The following NCKAP5 variants were observed in gnomAD, a reference collection of about 807,000 sequenced individuals.
The protein encoded by NCKAP5 is nck-associated protein 5.
In NCKAP5, 92 loss-of-function variants were observed where a neutral mutation model predicts 167.0. The ratio of observed to expected loss-of-function variants is 0.55; its 90% CI spans 0.47 to 0.66. NCKAP5 has a LOEUF of 0.66. Ranked by LOEUF, NCKAP5 falls within the 30% of genes least tolerant of loss-of-function variation. The pLI is 0.00. For missense variants in NCKAP5, 2,378 were observed against 2,315.0 expected (o/e 1.03, Z -0.56); for synonymous variants, 891 against 877.4 (o/e 1.02, Z -0.27).
At chr2:133,345,433 T>A (rs1683905449) in intron 3 of NCKAP5, among the ~76,000 whole-genome samples, 1 of 152,204 alleles carries the variant, frequency 6.6e-6, no homozygotes, top group African/African-American at 2.4e-5. Flanking sequence ...TTCCCACCTG[T>A]CAACTTGACT....
chr2:133,470,319 G>T (rs992414413), intron 3 of NCKAP5, among the ~76,000 whole-genome samples: 3 of 152,116 alleles, frequency 2.0e-5, no homozygotes, highest in Non-Finnish European at 2.9e-5. Context: ...CAGTTAGGCT[G>T]CTCGGGGGTC....
the NCKAP5 span, among the ~76,000 whole-genome samples, chr2:133,647,752 A>AAGGAAG: frequency 2.3e-5 from 1 of 43,446 alleles, no homozygotes; most frequent in African/African-American, 7.6e-5. Context: ...AAGGAAGGAA[A>AAGGAAG]GAAAAGAAAA....
chr2:132,989,878 C>T (rs980684453), intron 7 of NCKAP5, among the ~76,000 whole-genome samples: 1 of 152,112 alleles, frequency 6.6e-6, no homozygotes, highest in African/African-American at 2.4e-5. Flanking sequence ...ACGAGCTTTG[C>T]CATAAAATGA....
chr2:132,741,690 C>T (rs1679207579), intron 16 of NCKAP5, among the ~76,000 whole-genome samples: 2 of 152,084 alleles, frequency 1.3e-5, no homozygotes, highest in South Asian at 4.1e-4. Context: ...CTTTAATTAG[C>T]AAAACCTTCT....
At chr2:133,305,104 G>A (rs1048690661) in intron 3 of NCKAP5, among the ~76,000 whole-genome samples, 6 of 152,134 alleles carry the variant, frequency 3.9e-5, no homozygotes, top group African/African-American at 1.2e-4. Context: ...CTGGGAACAG[G>A]GACTCAGGGA....
At chr2:133,503,640 C>T (rs543831995) in intron 3 of NCKAP5, among the ~76,000 whole-genome samples, 1 of 152,314 alleles carries the variant, frequency 6.6e-6, no homozygotes, top group Admixed American at 6.5e-5. Flanking sequence ...TCTGTAACAA[C>T]CACTACACCC....
intron 3 of NCKAP5, among the ~76,000 whole-genome samples, chr2:133,364,034 A>C (rs1685291352): frequency 6.6e-6 from 1 of 152,186 alleles, no homozygotes; most frequent in African/African-American, 2.4e-5. Context: ...TTAATCCCTC[A>C]ATTACCTCAT....
At chr2:133,161,492 A>G (rs1227865396) in intron 5 of NCKAP5, among the ~76,000 whole-genome samples, 1 of 152,234 alleles carries the variant, frequency 6.6e-6, no homozygotes, top group Admixed American at 6.5e-5. Context: ...TAATTTAAGC[A>G]CTTCAGTGTG....
In NCKAP5 at chr2:133,246,305, A is replaced by C. The variant is rs548237466; in HGVS notation, c.144-32526T>G. Reference sequence around the variant, plus strand: ...ATCCTCAAATGGAGCAATGACATGAAAAAAAGCTTGTTAAAAATATGTATC... The same window carrying C: ...ATCCTCAAATGGAGCAATGACATGACAAAAAGCTTGTTAAAAATATGTATC... On this transcript the variant is annotated intron_variant, in intron 4 of 19. Coordinates refer to ENST00000409261, the MANE Select transcript of NCKAP5 (RefSeq NM_207363.3). Among the ~76,000 whole-genome samples, 10 of 152,336 alleles carry C rather than the reference A, an allele frequency of 6.6e-5. No homozygotes were observed. The South Asian group carries it at 1.0e-3, about 16-fold the overall frequency.
chr2:133,600,484 C>T, the NCKAP5 span, among the ~76,000 whole-genome samples: 45 of 152,352 alleles, frequency 3.0e-4, no homozygotes, highest in South Asian at 6.8e-3. Flanking sequence ...AATGAGCCGT[C>T]GGGGCGCCTT....
intron 3 of NCKAP5, among the ~76,000 whole-genome samples, chr2:133,349,960 C>G (rs988653381): frequency 6.6e-6 from 1 of 152,182 alleles, no homozygotes; most frequent in African/African-American, 2.4e-5. Flanking sequence ...GTTGTCAAAT[C>G]ATGGCAGAGA....
intron 5 of NCKAP5, among the ~76,000 whole-genome samples, chr2:133,154,547 T>G (rs2083502511): frequency 6.6e-6 from 1 of 152,212 alleles, no homozygotes; most frequent in Non-Finnish European, 1.5e-5. Context: ...ATGGCTTAGG[T>G]ATTTGACATG....
intron 8 of NCKAP5, among the ~76,000 whole-genome samples, chr2:132,922,574 C>A (rs908918852): frequency 3.3e-5 from 5 of 152,186 alleles, no homozygotes; most frequent in Non-Finnish European, 7.3e-5. Context: ...CCATGGGCAA[C>A]CTGTGCTCCA....
At chr2:133,184,960 TTTAG>T (rs2084883076) in intron 5 of NCKAP5, among the ~76,000 whole-genome samples, 1 of 152,198 alleles carries the variant, frequency 6.6e-6, no homozygotes, top group South Asian at 2.1e-4. Context: ...GCAGAAGCTC[TTTAG>T]TTAAGTCTCA....
At chr2:133,650,686 C>T in the NCKAP5 span, among the ~76,000 whole-genome samples, 6 of 151,972 alleles carry the variant, frequency 3.9e-5, no homozygotes, top group African/African-American at 1.4e-4. Context: ...ACGAGTCTGG[C>T]CAACATGGCA....
the NCKAP5 span, among the ~76,000 whole-genome samples, chr2:133,656,158 T>C: frequency 4.6e-5 from 7 of 152,284 alleles, no homozygotes; most frequent in African/African-American, 1.4e-4. Context: ...ATAGATTCTA[T>C]AGTTAAACAG....
chr2:133,124,355 T>A (rs1270496466), intron 6 of NCKAP5, among the ~76,000 whole-genome samples: 1 of 152,212 alleles, frequency 6.6e-6, no homozygotes, highest in Non-Finnish European at 1.5e-5. Context: ...GTATCTTTAT[T>A]CCTGATATTT....
At chr2:133,102,744 A>AACACACACACACACAC (rs3051212) in intron 6 of NCKAP5, among the ~76,000 whole-genome samples, 3 of 135,218 alleles carry the variant, frequency 2.2e-5, no homozygotes, top group Non-Finnish European at 4.8e-5. Flanking sequence ...CAAGCATGTA[A>AACACACACACACACAC]ACACACACAC....
At chr2:133,041,470 T>C (rs1367536242) in intron 6 of NCKAP5, among the ~76,000 whole-genome samples, 1 of 152,214 alleles carries the variant, frequency 6.6e-6, no homozygotes, top group Non-Finnish European at 1.5e-5. Flanking sequence ...AGAAAATTGA[T>C]TTCCTATTAC....
Sources: gnomAD v4.1 joint callset for allele counts (sites outside exome capture counted in the v4.1 genomes callset) on GRCh38, gnomAD v4.1.1 for gene constraint, MANE v1.5 for transcripts, NCBI Gene and HGNC (gene_info 2026-07-23, HGNC 2026-07-21) for gene names.